Variants in DNMT3A observed in about 807,000 individuals in gnomAD.
The protein encoded by DNMT3A is DNA (cytosine-5)-methyltransferase 3A.
In DNMT3A, 267 loss-of-function variants were observed where a neutral mutation model predicts 117.6. That is an observed-to-expected ratio of 2.27 (90% CI 2.05 to 2.51). The LOEUF (loss-of-function observed/expected upper bound fraction) is 2.51, where lower values mean the gene tolerates loss of function less well. DNMT3A is among the 30% of genes most tolerant of loss of function. The probability of loss-of-function intolerance (pLI) is 0.00; values close to 1 mark genes in which losing one functional copy is unlikely to be tolerated. For missense variants in DNMT3A, 1,029 were observed against 1,260.2 expected (o/e 0.82, Z 2.78); for synonymous variants, 432 against 474.8 (o/e 0.91, Z 1.17).
rs1363400852 is a variant in DNMT3A, at chr2:25,250,033, T to C, written c.640-1781A>G. Among the ~76,000 whole-genome samples, 5 of 152,334 alleles carry C rather than the reference T, an allele frequency of 3.3e-5. No individual in the cohort carries two copies. The East Asian group carries it at 7.7e-4, about 23-fold the overall frequency. On this transcript the variant is annotated intron_variant, in intron 6 of 22. Coordinates refer to ENST00000321117, the MANE Select transcript of DNMT3A (RefSeq NM_022552.5). ...GAGCCTCACAACCAGCAGCTGACTTTGGAGCAGTCCTTTCTAGGAGTTGCT... is the reference window on the plus strand; with the variant it reads ...GAGCCTCACAACCAGCAGCTGACTTCGGAGCAGTCCTTTCTAGGAGTTGCT...
intron 3 of DNMT3A, among the ~76,000 whole-genome samples, chr2:25,299,505 G>T (rs939459954): frequency 6.6e-6 from 1 of 152,222 alleles, no homozygotes; most frequent in Non-Finnish European, 1.5e-5. Context: ...GTCCAGCCTG[G>T]GATTCTGGCA....
At chr2:25,313,764 C>T (rs1165681514) in intron 2 of DNMT3A, 149 bp downstream of exon 2, 1 of 1,257,760 alleles carries the variant, frequency 8.0e-7, no homozygotes, top group African/African-American at 1.5e-5. Context: ...TTCCTCATCA[C>T]CCAAACAGGG....
Position 25,247,515 on chromosome 2 carries a change from C to A in DNMT3A, c.1014+76G>T, listed in dbSNP as rs1363598083. On this transcript the variant is annotated intron_variant, in intron 8 of 22. Coordinates refer to ENST00000321117, the MANE Select transcript of DNMT3A (RefSeq NM_022552.5). This position sits in a 1 kb window ranked among gnomAD's most constrained non-coding sequence, Gnocchi z 5.6. Reference sequence around the variant, plus strand: ...CTTCCATCACCCCAATTCCAGACTGCCCCCAGCCAAAACCACAGGCCCTGG... The same window carrying A: ...CTTCCATCACCCCAATTCCAGACTGACCCCAGCCAAAACCACAGGCCCTGG... 6.4e-7 allele frequency: 1 copy of A among 1,570,658 alleles called. No individual in the cohort carries two copies. Among genetic ancestry groups the A allele is most frequent in the Non-Finnish European group, 8.6e-7 (1 of 1,156,122 alleles).
Position 25,235,754 on chromosome 2 carries a change from GA to G in DNMT3A, c.2549del (p.Val850AlafsTer3). 1 of 1,614,192 alleles carries G rather than the reference GA, an allele frequency of 6.2e-7. No homozygotes were observed. Among genetic ancestry groups the G allele is most frequent in the Non-Finnish European group, 8.5e-7 (1 of 1,180,042 alleles). ...IKQGKDQHFPVFMNEKEDILW... is the reference protein window; with the variant it reads ...IKQGKDQHFPXFMNEKEDILW... Reference sequence around the variant, plus strand: ...AGATGTCCTCTTTCTCATTCATGAAGACAGGAAAATGCTGGTCTTTGCCCTG... The same window carrying G: ...AGATGTCCTCTTTCTCATTCATGAAGCAGGAAAATGCTGGTCTTTGCCCTG... On this transcript the variant is annotated frameshift_variant, in exon 22 of 23. Coordinates refer to ENST00000321117, the MANE Select transcript of DNMT3A (RefSeq NM_022552.5). LOFTEE classifies it high-confidence loss of function.
intron 1 of DNMT3A, among the ~76,000 whole-genome samples, chr2:25,330,302 G>C (rs1415666704): frequency 6.6e-6 from 1 of 152,192 alleles, no homozygotes; most frequent in Non-Finnish European, 1.5e-5. Context: ...GCTTGCACAG[G>C]TCTGCACAAA....
intron 1 of DNMT3A, chr2:25,314,682 A>G: frequency 1.0e-6 from 1 of 985,358 alleles, no homozygotes; most frequent in Non-Finnish European, 1.2e-6. Flanking sequence ...GGCCCAGAGA[A>G]AGCTGAGGTC....
At chr2:25,336,449 G>A (rs1036226028) in intron 1 of DNMT3A, among the ~76,000 whole-genome samples, 1 of 152,236 alleles carries the variant, frequency 6.6e-6, no homozygotes, top group Middle Eastern at 3.4e-3. Context: ...GCTATCACTC[G>A]CTCGCAGACC....
rs776751263 is a variant in DNMT3A at position 25,282,421 on chromosome 2, C to A, written c.448+20G>T. 1.2e-6 allele frequency: 2 copies of A among 1,609,270 alleles called. No individual in the cohort carries two copies. The highest frequency in any genetic ancestry group is 4.5e-5 in the East Asian group (2 of 44,754). Reference sequence around the variant, plus strand: ...TGCTGGTGGGCCCAGAAGAGGCTGCCCCTGGTGCTGAGGACTCACCCGCTT... The same window carrying A: ...TGCTGGTGGGCCCAGAAGAGGCTGCACCTGGTGCTGAGGACTCACCCGCTT... On this transcript the variant is annotated intron_variant, in intron 4 of 22. Transcript: ENST00000321117. The surrounding 1 kb of genome is among the most constrained non-coding windows in gnomAD (Gnocchi z 5.2).
chr2:25,330,528 G>A (rs1356470873), intron 1 of DNMT3A, among the ~76,000 whole-genome samples: 1 of 152,216 alleles, frequency 6.6e-6, no homozygotes, highest in Admixed American at 6.5e-5. Context: ...CAGCCCAAGG[G>A]CCATCATGTA....
At chr2:25,330,922 C>T (rs1284368950) in intron 1 of DNMT3A, among the ~76,000 whole-genome samples, 1 of 152,198 alleles carries the variant, frequency 6.6e-6, no homozygotes, top group Non-Finnish European at 1.5e-5. Flanking sequence ...GTCAATAGAA[C>T]ATGACGAATG....
chr2:25,313,806 TG>T, intron 2 of DNMT3A, 106 bp downstream of exon 2: 1 of 1,507,010 alleles, frequency 6.6e-7, no homozygotes. Context: ...TCGTGAGCAC[TG>T]AGTGATGCGG....
intron 1 of DNMT3A, among the ~76,000 whole-genome samples, chr2:25,317,731 G>GTTAT (rs918801620): frequency 2.0e-5 from 3 of 152,142 alleles, no homozygotes; most frequent in African/African-American, 4.8e-5. Context: ...GGAGAGGAAG[G>GTTAT]TTATTTATTT....
In DNMT3A at chr2:25,323,539, G is replaced by A. The variant is rs541753823; in HGVS notation, c.-177-9378C>T. On this transcript the variant is annotated intron_variant, in intron 1 of 22. Coordinates refer to ENST00000321117, the MANE Select transcript of DNMT3A (RefSeq NM_022552.5). ...CTGTGCCTCAGTTTTCTCAGCTGTC[G>A]AGTGGGAGAAAGAACTTTCCACCTC... Among the ~76,000 whole-genome samples the A allele has an allele frequency of 2.8e-4, 43 of 152,312 alleles. No homozygotes were observed. The South Asian group carries it at 7.0e-3, about 25-fold the overall frequency.
In DNMT3A at chr2:25,248,884, T is replaced by C. The variant is rs149294797; in HGVS notation, c.640-632A>G. Among the ~76,000 whole-genome samples, 744 of 152,302 alleles carry C rather than the reference T, an allele frequency of 4.9e-3. 7 individuals carry two copies. Among genetic ancestry groups the C allele is most frequent in the African/African-American group, 0.016 (677 of 41,564 alleles). On this transcript the variant is annotated intron_variant, in intron 6 of 22. Coordinates refer to ENST00000321117, the MANE Select transcript of DNMT3A (RefSeq NM_022552.5). ...TTTTTTTTTAATTTTATTATTATTATACTTTAAGTTTTAGGGTACATGTGC... is the reference window on the plus strand; with the variant it reads ...TTTTTTTTTAATTTTATTATTATTACACTTTAAGTTTTAGGGTACATGTGC...
At chr2:25,323,067 T>A (rs1021728880) in intron 1 of DNMT3A, among the ~76,000 whole-genome samples, 1 of 152,052 alleles carries the variant, frequency 6.6e-6, no homozygotes, top group Non-Finnish European at 1.5e-5. Context: ...AGGTTTTCGT[T>A]GTGCCTGTGC....
chr2:25,321,819 G>A (rs1272260707), intron 1 of DNMT3A, among the ~76,000 whole-genome samples: 1 of 152,184 alleles, frequency 6.6e-6, no homozygotes, highest in Non-Finnish European at 1.5e-5. Flanking sequence ...CCAGGAGGTC[G>A]AGGCTGCAGG....
At chr2:25,291,011 G>T (rs960987579) in intron 3 of DNMT3A, among the ~76,000 whole-genome samples, 1 of 152,122 alleles carries the variant, frequency 6.6e-6, no homozygotes, top group Non-Finnish European at 1.5e-5. Context: ...GGCCAGCCAC[G>T]GACTCTTCAC....
intron 1 of DNMT3A, among the ~76,000 whole-genome samples, chr2:25,326,014 G>A (rs138806724): frequency 1.2e-3 from 185 of 152,238 alleles, no homozygotes; most frequent in African/African-American, 4.2e-3. Context: ...AGAAGACAAT[G>A]AAGCCAGGTA....
intron 2 of DNMT3A, among the ~76,000 whole-genome samples, chr2:25,300,502 G>A (rs560225672): frequency 6.7e-6 from 1 of 149,712 alleles, no homozygotes; most frequent in South Asian, 2.1e-4. Flanking sequence ...AGCACTTTGA[G>A]AAGCCAAGGC....
Sources: allele counts gnomAD v4.1 joint callset (sites outside exome capture counted in the v4.1 genomes callset), GRCh38; gene constraint gnomAD v4.1.1; non-coding constraint Gnocchi (gnomAD v3.1); transcripts MANE v1.5; gene names NCBI Gene and HGNC (gene_info 2026-07-23, HGNC 2026-07-21).